EPN2: variants seen among roughly 807,000 people sequenced by gnomAD.
EPN2 encodes the protein epsin 2.
In EPN2, 34 loss-of-function variants were observed where a neutral mutation model predicts 61.7. The ratio of observed to expected loss-of-function variants is 0.55; its 90% CI spans 0.42 to 0.73. The LOEUF is 0.73. EPN2 is among the 30% of genes least tolerant of loss of function. The probability of loss-of-function intolerance (pLI) is 0.00; values close to 1 mark genes in which losing one functional copy is unlikely to be tolerated. For synonymous variants in EPN2, 349 were observed against 353.6 expected, an observed-to-expected ratio of 0.99 and a Z score of 0.15; for missense variants, 714 against 839.2, an observed-to-expected ratio of 0.85 and a Z score of 1.84.
At chr17:19,267,599 A>G (rs906536628) in intron 1 of EPN2, among the ~76,000 whole-genome samples, 6 of 151,856 alleles carry the variant, frequency 4.0e-5, no homozygotes, top group East Asian at 1.9e-4. Flanking sequence ...CTGGAATGCA[A>G]TGGCACAATC....
chr17:19,320,359 A>G (rs1416824516), intron 7 of EPN2, among the ~76,000 whole-genome samples: 1 of 152,100 alleles, frequency 6.6e-6, no homozygotes, highest in African/African-American at 2.4e-5. Context: ...TGGATAGAAC[A>G]AGGTGACCGT....
intron 4 of EPN2, among the ~76,000 whole-genome samples, chr17:19,293,308 A>C (rs2045482883): frequency 6.7e-6 from 1 of 148,444 alleles, no homozygotes; most frequent in Non-Finnish European, 1.5e-5. Flanking sequence ...TGAACCTGAG[A>C]GGCAGAGGTT....
At chr17:19,282,845 G>A (rs949800012) in intron 2 of EPN2, 105 bp from the exon 3 acceptor site, 4 of 383,916 alleles carry the variant, frequency 1.0e-5, no homozygotes, top group Admixed American at 8.3e-5. Flanking sequence ...GGCTGGGTAT[G>A]TCCACTCAGC....
At chr17:19,328,053 T>C (rs1301183570) in intron 7 of EPN2, among the ~76,000 whole-genome samples, 1 of 152,222 alleles carries the variant, frequency 6.6e-6, no homozygotes, top group African/African-American at 2.4e-5. Context: ...GTGTGTTTTT[T>C]CTTTTTTTAA....
chr17:19,290,106 G>A (rs1415207923), intron 4 of EPN2, among the ~76,000 whole-genome samples: 3 of 152,160 alleles, frequency 2.0e-5, no homozygotes, highest in Admixed American at 6.5e-5. Flanking sequence ...AGGCTTACCC[G>A]TGTTGGCTGC....
At chr17:19,308,455 G>A in intron 4 of EPN2, 1 of 982,706 alleles carries the variant, frequency 1.0e-6, no homozygotes, top group Non-Finnish European at 1.2e-6. Context: ...GCATGCACCT[G>A]TCTGTGCATG....
chr17:19,291,239 C>T (rs1363452655), intron 4 of EPN2, among the ~76,000 whole-genome samples: 1 of 152,186 alleles, frequency 6.6e-6, no homozygotes, highest in African/African-American at 2.4e-5. Flanking sequence ...TGTCAAGCAG[C>T]CTGCCCAGGA....
chr17:19,284,512 G>A (rs1029740788), intron 3 of EPN2, among the ~76,000 whole-genome samples: 1 of 152,216 alleles, frequency 6.6e-6, no homozygotes, highest in African/African-American at 2.4e-5. Flanking sequence ...AGAGAGACAG[G>A]TGGCCCTAGT....
chr17:19,332,161 G>T, intron 10 of EPN2, 93 bp downstream of exon 10: 1 of 912,478 alleles, frequency 1.1e-6, no homozygotes, highest in East Asian at 2.5e-5. Context: ...CTGTGTGACG[G>T]GGAAGGGGTG....
intron 7 of EPN2, among the ~76,000 whole-genome samples, chr17:19,322,389 C>G (rs1297249606): frequency 6.6e-6 from 1 of 152,194 alleles, no homozygotes; most frequent in East Asian, 1.9e-4. Context: ...CCTCTCCCTC[C>G]TAGTGCTGCT....
At chr17:19,311,121 G>C (rs1249787451) in intron 5 of EPN2, among the ~76,000 whole-genome samples, 1 of 152,168 alleles carries the variant, frequency 6.6e-6, no homozygotes, top group Non-Finnish European at 1.5e-5. Flanking sequence ...GTTCATCCCG[G>C]CATTGTTTGT....
chr17:19,258,648 CT>C (rs1373636375), intron 1 of EPN2, among the ~76,000 whole-genome samples: 1 of 152,192 alleles, frequency 6.6e-6, no homozygotes, highest in Non-Finnish European at 1.5e-5. Context: ...GTGATTTAAC[CT>C]AGAGAGCTAG....
At chr17:19,304,783 A>G (rs1056896907) in intron 4 of EPN2, among the ~76,000 whole-genome samples, 2 of 152,222 alleles carry the variant, frequency 1.3e-5, no homozygotes, top group African/African-American at 2.4e-5. Flanking sequence ...GGTGGGGACA[A>G]GATTTGTCCG....
intron 1 of EPN2, among the ~76,000 whole-genome samples, chr17:19,278,914 G>A (rs2152215576): frequency 6.6e-6 from 1 of 152,334 alleles, no homozygotes; most frequent in Admixed American, 6.5e-5. Flanking sequence ...TGGGATTACA[G>A]TCATGAACCA....
chr17:19,304,710 C>T (rs920157292), intron 4 of EPN2, among the ~76,000 whole-genome samples: 1 of 152,208 alleles, frequency 6.6e-6, no homozygotes, highest in Admixed American at 6.5e-5. Context: ...CTTCATTTCA[C>T]TGATGTGGGA....
At chr17:19,303,457 G>A (rs185973193) in intron 4 of EPN2, among the ~76,000 whole-genome samples, 21 of 152,340 alleles carry the variant, frequency 1.4e-4, no homozygotes, top group African/African-American at 5.1e-4. Context: ...CCTTCGGGAT[G>A]TCTGTCCCTG....
chr17:19,307,021 C>A (rs1415542552), intron 4 of EPN2, among the ~76,000 whole-genome samples: 1 of 152,130 alleles, frequency 6.6e-6, no homozygotes, highest in Non-Finnish European at 1.5e-5. Context: ...GTCTGGCTTC[C>A]TTTATTCTCT....
intron 7 of EPN2, among the ~76,000 whole-genome samples, chr17:19,321,396 G>C (rs1906629896): frequency 6.6e-6 from 1 of 152,214 alleles, no homozygotes; most frequent in Non-Finnish European, 1.5e-5. Flanking sequence ...TGTAGCTCCA[G>C]TACCATTTCT....
At chr17:19,307,372 G>A (rs1567862843) in intron 4 of EPN2, among the ~76,000 whole-genome samples, 4 of 151,710 alleles carry the variant, frequency 2.6e-5, no homozygotes, top group African/African-American at 9.7e-5. Flanking sequence ...GTGCAGTGGC[G>A]CGATCTCAGC....
Sources: allele counts gnomAD v4.1 joint callset (sites outside exome capture counted in the v4.1 genomes callset), GRCh38; gene constraint gnomAD v4.1.1; transcripts MANE v1.5; gene names NCBI Gene and HGNC (gene_info 2026-07-23, HGNC 2026-07-21).